Variants in MYRIP observed in about 807,000 individuals in gnomAD.
The protein encoded by MYRIP is rab effector MyRIP.
In MYRIP, 49 loss-of-function variants were observed where a neutral mutation model predicts 98.0. That is an observed-to-expected ratio of 0.50 (90% CI 0.40 to 0.63). MYRIP has a LOEUF of 0.63. Among genes scored for constraint, MYRIP ranks in the 30% least tolerant of loss-of-function variants. The probability of loss-of-function intolerance (pLI) is 0.00; values close to 1 mark genes in which losing one functional copy is unlikely to be tolerated. For missense variants in MYRIP, 1,004 were observed against 1,058.2 expected (o/e 0.95, Z 0.71); for synonymous variants, 404 against 409.5 (o/e 0.99, Z 0.16).
intron 1 of MYRIP, among the ~76,000 whole-genome samples, chr3:39,813,590 C>T (rs1231046396): frequency 6.6e-6 from 1 of 152,196 alleles, no homozygotes; most frequent in Non-Finnish European, 1.5e-5. Flanking sequence ...AGGTTAAGAG[C>T]CAAGTGCCTG....
intron 1 of MYRIP, among the ~76,000 whole-genome samples, chr3:39,890,392 A>T (rs571864312): frequency 3.0e-4 from 46 of 151,942 alleles, no homozygotes; most frequent in Admixed American, 5.9e-4. Flanking sequence ...CATGGATGTC[A>T]TTTATCATTA....
chr3:40,235,752 G>A (rs139520221), intron 12 of MYRIP, among the ~76,000 whole-genome samples: 2,502 of 152,322 alleles, frequency 0.016, 17 homozygotes, highest in East Asian at 0.031. Flanking sequence ...CTGCCTGAAG[G>A]AAGCCATGCC....
At chr3:39,864,536 C>A (rs1219219404) in intron 1 of MYRIP, among the ~76,000 whole-genome samples, 1 of 151,982 alleles carries the variant, frequency 6.6e-6, no homozygotes, top group Non-Finnish European at 1.5e-5. Flanking sequence ...ATCAGTAATC[C>A]AGTTCCATTA....
intron 3 of MYRIP, among the ~76,000 whole-genome samples, chr3:40,110,790 C>T (rs542412091): frequency 2.8e-4 from 42 of 152,216 alleles, no homozygotes; most frequent in African/African-American, 9.9e-4. Flanking sequence ...TCTTCCTGAC[C>T]TCCCTATTCT....
intron 11 of MYRIP, among the ~76,000 whole-genome samples, chr3:40,222,265 T>G (rs1276438985): frequency 6.6e-6 from 1 of 152,192 alleles, no homozygotes; most frequent in Non-Finnish European, 1.5e-5. Context: ...GGGCAGTTTA[T>G]GAAGAAATTT....
chr3:40,236,367 C>T (rs1222429775), intron 12 of MYRIP, among the ~76,000 whole-genome samples: 7 of 152,126 alleles, frequency 4.6e-5, no homozygotes, highest in Non-Finnish European at 1.0e-4. Context: ...GTAATTTCCC[C>T]CTTCCATTCA....
chr3:40,128,448 T>C (rs184825726), intron 3 of MYRIP, among the ~76,000 whole-genome samples: 47 of 152,304 alleles, frequency 3.1e-4, no homozygotes, highest in Non-Finnish European at 3.8e-4. Context: ...GTAGTTTATA[T>C]AGCATTTTCA....
intron 2 of MYRIP, among the ~76,000 whole-genome samples, chr3:39,965,961 T>G (rs1241779679): frequency 6.6e-6 from 1 of 152,180 alleles, no homozygotes; most frequent in Non-Finnish European, 1.5e-5. Context: ...TGCAATGAAA[T>G]ACACATTGTG....
intron 3 of MYRIP, among the ~76,000 whole-genome samples, chr3:40,121,248 C>T (rs896335251): frequency 6.6e-6 from 1 of 152,166 alleles, no homozygotes; most frequent in African/African-American, 2.4e-5. Context: ...ACACACCCAC[C>T]TCCAGACCAG....
intron 13 of MYRIP, chr3:40,248,150 A>G (rs1953262561): frequency 2.0e-5 from 3 of 152,254 alleles, no homozygotes; most frequent in Non-Finnish European, 4.4e-5. Flanking sequence ...TCTTGGTAAT[A>G]TTAGGACAGA....
intron 1 of MYRIP, among the ~76,000 whole-genome samples, chr3:39,836,036 T>A (rs1260636219): frequency 6.6e-6 from 1 of 152,220 alleles, no homozygotes; most frequent in Non-Finnish European, 1.5e-5. Context: ...CTATTGTGAA[T>A]AGTGCTGCAG....
intron 12 of MYRIP, among the ~76,000 whole-genome samples, chr3:40,241,378 A>G (rs1953009953): frequency 6.6e-6 from 1 of 152,234 alleles, no homozygotes; most frequent in Admixed American, 6.5e-5. Flanking sequence ...AAGAGGATGT[A>G]GCACTAGAAC....
intron 1 of MYRIP, among the ~76,000 whole-genome samples, chr3:39,867,418 G>A (rs766852184): frequency 7.2e-5 from 11 of 151,984 alleles, no homozygotes; most frequent in Non-Finnish European, 1.2e-4. Flanking sequence ...AACTACATAC[G>A]TATCTAATAA....
chr3:40,010,248 G>C (rs574530130), intron 2 of MYRIP, among the ~76,000 whole-genome samples: 3 of 152,344 alleles, frequency 2.0e-5, no homozygotes, highest in Admixed American at 2.0e-4. Context: ...AGGCCAAGGA[G>C]AAAGCATTGC....
At chr3:40,233,757 A>G (rs2125700159) in intron 11 of MYRIP, 102 bp from the exon 12 acceptor site, 3 of 1,109,454 alleles carry the variant, frequency 2.7e-6, no homozygotes, top group East Asian at 4.9e-5. Flanking sequence ...GAATTACAGA[A>G]TCAACCTCAT....
intron 8 of MYRIP, among the ~76,000 whole-genome samples, chr3:40,170,964 G>C (rs188043779): frequency 6.6e-6 from 1 of 152,228 alleles, no homozygotes; most frequent in East Asian, 1.9e-4. Context: ...AGTCCACAAG[G>C]GATCAGCATA....
chr3:40,086,237 C>T (rs932853492), intron 3 of MYRIP, among the ~76,000 whole-genome samples: 10 of 152,200 alleles, frequency 6.6e-5, no homozygotes, highest in African/African-American at 2.4e-4. Flanking sequence ...AGCCCCAGTC[C>T]AGACTCCATG....
At chr3:39,968,519 G>T (rs1945497917) in intron 2 of MYRIP, among the ~76,000 whole-genome samples, 1 of 152,066 alleles carries the variant, frequency 6.6e-6, no homozygotes. Context: ...TAAGGAGGGG[G>T]TCCAGCTTCA....
At chr3:39,965,937 G>A (rs1278500646) in intron 2 of MYRIP, among the ~76,000 whole-genome samples, 1 of 152,096 alleles carries the variant, frequency 6.6e-6, no homozygotes, top group African/African-American at 2.4e-5. Context: ...GAAACTAGTT[G>A]TTCCTTTTGT....
Sources: gnomAD v4.1 joint callset for allele counts (sites outside exome capture counted in the v4.1 genomes callset) on GRCh38, gnomAD v4.1.1 for gene constraint, MANE v1.5 for transcripts, NCBI Gene and HGNC (gene_info 2026-07-23, HGNC 2026-07-21) for gene names.